Variants in PLPP4 observed in about 807,000 individuals in gnomAD.
PLPP4 encodes the protein phospholipid phosphatase 4.
A neutral mutation model predicts 32.2 loss-of-function variants in PLPP4; 20 were observed. That is an observed-to-expected ratio of 0.62 (90% confidence interval 0.44 to 0.90). The LOEUF is 0.90. Among genes scored for constraint, PLPP4 ranks in the 40% least tolerant of loss-of-function variants. PLPP4 has a pLI of 0.00. For synonymous variants in PLPP4, 127 were observed against 133.0 expected (o/e 0.95, Z 0.31); for missense variants, 257 against 353.1 (o/e 0.73, Z 2.18).
rs1169683731 is a variant in PLPP4 at position 120,565,316 on chromosome 10, GT to G, written c.446-9814del. On this transcript the variant is annotated intron_variant, in intron 5 of 6. Transcript: ENST00000398250. ...ACATTTCCTTTGATTTGTTTGTGTG[GT>G]GTGTGTGTGTGTGTGTGTGTGTGTG... Among the ~76,000 whole-genome samples, 13 of 3,614 alleles carry G rather than the reference GT, an allele frequency of 3.6e-3. No individual in the cohort carries two copies. The East Asian group carries it at 0.071, about 20-fold the overall frequency. 2.4% of individuals were successfully genotyped at this position (3,614 alleles called of 152,430 possible). A position where few individuals can be genotyped will look rare whatever the true frequency, so the allele number is the denominator to read the frequency against.
At chr10:120,564,104 A>G (rs1848574915) in intron 5 of PLPP4, among the ~76,000 whole-genome samples, 1 of 152,140 alleles carries the variant, frequency 6.6e-6, no homozygotes. Context: ...TAACAAAAAC[A>G]ATTTAGCTAT....
chr10:120,584,258 G>A (rs1849651060), intron 6 of PLPP4, among the ~76,000 whole-genome samples: 1 of 152,146 alleles, frequency 6.6e-6, no homozygotes, highest in South Asian at 2.1e-4. Flanking sequence ...CAAAACCTCT[G>A]CTCCAGAATA....
chr10:120,572,274 G>T (rs1292584647), intron 5 of PLPP4, among the ~76,000 whole-genome samples: 1 of 152,214 alleles, frequency 6.6e-6, no homozygotes, highest in Non-Finnish European at 1.5e-5. Flanking sequence ...GAAATCAGGC[G>T]GATGCTGAGG....
rs2463155 is a variant in PLPP4 at position 120,478,611 on chromosome 10, A to T, written c.56+21250A>T. On this transcript the variant is annotated intron_variant, in intron 1 of 6. Transcript: ENST00000398250. ...TCTTGTGGGTGGTCTTTTAGTCTTA[A>T]GCCTGCTCCCATGATAATGCATACT... is the stretch of plus-strand genomic sequence containing the variant. 2.3e-3 allele frequency among the ~76,000 whole-genome samples: 343 copies of T among 152,348 alleles called. 3 individuals carry two copies. Among genetic ancestry groups the T allele is most frequent in the African/African-American group, 7.8e-3 (326 of 41,574 alleles).
intron 5 of PLPP4, among the ~76,000 whole-genome samples, chr10:120,526,867 C>A (rs773128756): frequency 9.9e-5 from 15 of 152,090 alleles, no homozygotes; most frequent in Non-Finnish European, 2.1e-4. Flanking sequence ...CTCTGCAGGG[C>A]CCTGCCTGGT....
At chr10:120,547,968 T>C (rs1847710228) in intron 5 of PLPP4, among the ~76,000 whole-genome samples, 1 of 152,230 alleles carries the variant, frequency 6.6e-6, no homozygotes, top group Admixed American at 6.5e-5. Context: ...TGATTTGTTT[T>C]AGTCACATGC....
intron 1 of PLPP4, among the ~76,000 whole-genome samples, chr10:120,465,519 G>T (rs991568634): frequency 6.6e-6 from 1 of 152,186 alleles, no homozygotes; most frequent in Non-Finnish European, 1.5e-5. Context: ...GGAGCATTTA[G>T]GTTGGTTTCT....
chr10:120,524,516 T>C (rs1207748386), intron 5 of PLPP4, among the ~76,000 whole-genome samples: 2 of 152,194 alleles, frequency 1.3e-5, no homozygotes, highest in African/African-American at 4.8e-5. Context: ...GAAGTCCAGG[T>C]CCTCATATCG....
intron 5 of PLPP4, among the ~76,000 whole-genome samples, chr10:120,537,357 A>C (rs2133951263): frequency 6.6e-6 from 1 of 152,328 alleles, no homozygotes; most frequent in Non-Finnish European, 1.5e-5. Context: ...ATTCAGCTTC[A>C]AAAAAAGAAA....
intron 5 of PLPP4, among the ~76,000 whole-genome samples, chr10:120,563,644 C>CA (rs1848538825): frequency 1.3e-5 from 2 of 148,312 alleles, no homozygotes; most frequent in African/African-American, 5.1e-5. Context: ...ACTAAAAATA[C>CA]AAAAAATTAG....
Position 120,553,563 on chromosome 10 carries a change from C to T in PLPP4, c.446-21568C>T, listed in dbSNP as rs575700608. 3.9e-5 allele frequency among the ~76,000 whole-genome samples: 6 copies of T among 152,340 alleles called. No individual in the cohort carries two copies. In the South Asian group the frequency reaches 1.2e-3, roughly 32 times the overall value. ...AGTGTATGGTATTTGTTATAGCAGTCCCAATGGATTAAAACAACAAATAGC... is the reference window on the plus strand; with the variant it reads ...AGTGTATGGTATTTGTTATAGCAGTTCCAATGGATTAAAACAACAAATAGC... On this transcript the variant is annotated intron_variant, in intron 5 of 6. Coordinates refer to ENST00000398250, the MANE Select transcript of PLPP4 (RefSeq NM_001030059.3).
rs367794228 is a variant in PLPP4 at position 120,552,286 on chromosome 10, T to A, written c.446-22845T>A. ...TCTTATTCATTGAAAAAAGCTTGTA[T>A]CACCAGAGAGAATAAGGCATCTTTC... On this transcript the variant is annotated intron_variant, in intron 5 of 6. Coordinates refer to ENST00000398250, the MANE Select transcript of PLPP4 (RefSeq NM_001030059.3). Among the ~76,000 whole-genome samples, 34 of 151,790 alleles carry A rather than the reference T, an allele frequency of 2.2e-4. 1 individual carries two copies. The South Asian group carries it at 4.2e-3, about 19-fold the overall frequency.
intron 5 of PLPP4, among the ~76,000 whole-genome samples, chr10:120,558,037 A>C (rs1308479541): frequency 1.3e-5 from 2 of 150,940 alleles, no homozygotes; most frequent in Admixed American, 1.3e-4. Flanking sequence ...ATATTAATAA[A>C]TATTAAGTAA....
chr10:120,545,645 C>T (rs1332182536), intron 5 of PLPP4, among the ~76,000 whole-genome samples: 1 of 152,156 alleles, frequency 6.6e-6, no homozygotes, highest in Non-Finnish European at 1.5e-5. Flanking sequence ...AATGTTGTCT[C>T]GTCTCACTCT....
chr10:120,586,121 C>A (rs11597264), intron 6 of PLPP4, among the ~76,000 whole-genome samples: 2 of 95,398 alleles, frequency 2.1e-5, no homozygotes, highest in Non-Finnish European at 5.4e-5. Context: ...TTTCTCTTTT[C>A]TTTTTCTTTT....
chr10:120,469,636 A>G (rs191746873), intron 1 of PLPP4, among the ~76,000 whole-genome samples: 1 of 152,346 alleles, frequency 6.6e-6, no homozygotes, highest in African/African-American at 2.4e-5. Flanking sequence ...TTTCAGGATT[A>G]TAAAATACTT....
intron 5 of PLPP4, among the ~76,000 whole-genome samples, chr10:120,564,515 T>A (rs1848597170): frequency 1.3e-5 from 2 of 151,898 alleles, no homozygotes; most frequent in African/African-American, 4.8e-5. Context: ...ATGTCCTATC[T>A]AATATTTCTG....
At chr10:120,527,835 A>G (rs1021184435) in intron 5 of PLPP4, among the ~76,000 whole-genome samples, 1 of 152,142 alleles carries the variant, frequency 6.6e-6, no homozygotes, top group African/African-American at 2.4e-5. Context: ...TGAATTGAGA[A>G]ATTATCACAT....
intron 1 of PLPP4, among the ~76,000 whole-genome samples, chr10:120,501,967 A>G (rs1845276310): frequency 6.6e-6 from 1 of 152,144 alleles, no homozygotes; most frequent in South Asian, 2.1e-4. Context: ...GCAGAGGGGC[A>G]GAGAGCAGCT....
Sources: allele counts gnomAD v4.1 joint callset (sites outside exome capture counted in the v4.1 genomes callset), GRCh38; gene constraint gnomAD v4.1.1; transcripts MANE v1.5; gene names NCBI Gene and HGNC (gene_info 2026-07-23, HGNC 2026-07-21).